WDTC1: variants seen among roughly 807,000 people sequenced by gnomAD.
WDTC1 encodes the protein WD and tetratricopeptide repeats protein 1.
A neutral mutation model predicts 76.0 loss-of-function variants in WDTC1; 12 were observed. The observed-to-expected ratio is 0.16, with a 90% CI of 0.10 to 0.26. The LOEUF (loss-of-function observed/expected upper bound fraction) is 0.26, where lower values mean the gene tolerates loss of function less well. Among genes scored for constraint, WDTC1 ranks in the 10% least tolerant of loss-of-function variants. The pLI is 1.00. For missense variants in WDTC1, 511 were observed against 908.8 expected, an observed-to-expected ratio of 0.56 and a Z score of 5.63; for synonymous variants, 326 against 350.8, an observed-to-expected ratio of 0.93 and a Z score of 0.79.
At chr1:27,263,051 A>C in intron 2 of WDTC1, 101 bp from the exon 3 acceptor site, 1 of 1,228,968 alleles carries the variant, frequency 8.1e-7, no homozygotes, top group South Asian at 1.3e-5. Context: ...TGTCTTCTTT[A>C]GCTCCTGTGG....
intron 3 of WDTC1, among the ~76,000 whole-genome samples, chr1:27,277,052 A>G (rs1186437582): frequency 6.7e-6 from 1 of 149,010 alleles, no homozygotes; most frequent in Non-Finnish European, 1.5e-5. Context: ...TTTTTAATTG[A>G]TATGGGATCT....
At chr1:27,299,048 T>G (rs1207568715) in intron 12 of WDTC1, among the ~76,000 whole-genome samples, 1 of 152,178 alleles carries the variant, frequency 6.6e-6, no homozygotes, top group Non-Finnish European at 1.5e-5. Flanking sequence ...ATGACTGTTT[T>G]GGATGAATCG....
chr1:27,288,423 C>T (rs1391745123), intron 6 of WDTC1, among the ~76,000 whole-genome samples: 1 of 151,090 alleles, frequency 6.6e-6, no homozygotes, highest in Non-Finnish European at 1.5e-5. Context: ...GGTCATATGA[C>T]AATAGTGGAG....
At chr1:27,243,624 A>G (rs985717736) in intron 1 of WDTC1, among the ~76,000 whole-genome samples, 2 of 152,160 alleles carry the variant, frequency 1.3e-5, no homozygotes, top group Admixed American at 1.3e-4. Context: ...TGTGCCTCAG[A>G]TCCTGCATCT....
intron 8 of WDTC1, 50 bp downstream of exon 8, chr1:27,294,166 CT>C: frequency 5.1e-6 from 8 of 1,580,462 alleles, no homozygotes; most frequent in Non-Finnish European, 6.9e-6. Flanking sequence ...GATGCTGACT[CT>C]TTTGGGGGCA....
chr1:27,253,273 C>T (rs933225064), intron 1 of WDTC1, among the ~76,000 whole-genome samples: 2 of 152,050 alleles, frequency 1.3e-5, no homozygotes. Flanking sequence ...CCTTGGCCTT[C>T]CAAAGTGCTG....
chr1:27,279,469 A>G (rs1482376723), intron 3 of WDTC1, among the ~76,000 whole-genome samples: 1 of 152,170 alleles, frequency 6.6e-6, no homozygotes. Context: ...GCCCGACCAG[A>G]AATATAATCG....
rs1166840793 is a variant in WDTC1 at position 27,284,203 on chromosome 1, T to C, written c.291+754T>C. Among the ~76,000 whole-genome samples, 4 of 152,146 alleles carry C rather than the reference T, an allele frequency of 2.6e-5. 1 individual carries two copies. The highest frequency in any genetic ancestry group is 9.7e-5 in the African/African-American group (4 of 41,416). On this transcript the variant is annotated intron_variant, in intron 5 of 15. Coordinates refer to ENST00000319394, the MANE Select transcript of WDTC1 (RefSeq NM_001276252.2). ...GAACTGTCTAATGCTTAGAGCTCTT[T>C]GAAAAATGTAGAATGGGCCCCTGGA...
At chr1:27,245,057 G>A (rs1434694421) in intron 1 of WDTC1, among the ~76,000 whole-genome samples, 1 of 151,638 alleles carries the variant, frequency 6.6e-6, no homozygotes, top group African/African-American at 2.4e-5. Flanking sequence ...CCAGTTAAAG[G>A]CAGAGGCTGG....
intron 3 of WDTC1, among the ~76,000 whole-genome samples, chr1:27,269,570 A>C (rs1314945569): frequency 6.7e-6 from 1 of 149,944 alleles, no homozygotes; most frequent in Non-Finnish European, 1.5e-5. Flanking sequence ...GGTTTTGACC[A>C]TAAGAGCAAC....
At chr1:27,293,899 A>G (rs1338041768) in intron 7 of WDTC1, 123 bp from the exon 8 acceptor site, 1 of 852,484 alleles carries the variant, frequency 1.2e-6, no homozygotes, top group East Asian at 2.7e-5. Context: ...TTGCTTAGGT[A>G]AGGAGGAAAA....
intron 1 of WDTC1, among the ~76,000 whole-genome samples, chr1:27,245,241 G>A (rs2011787502): frequency 6.6e-6 from 1 of 151,820 alleles, no homozygotes; most frequent in African/African-American, 2.4e-5. Context: ...AAGGATTGTT[G>A]CAAAGTTCAA....
chr1:27,279,868 T>C (rs1195414572), intron 3 of WDTC1, among the ~76,000 whole-genome samples: 2 of 152,242 alleles, frequency 1.3e-5, no homozygotes, highest in East Asian at 3.8e-4. Context: ...GCCCAGCCTG[T>C]GCTGTAAGTC....
At chr1:27,242,679 G>A (rs890061782) in intron 1 of WDTC1, among the ~76,000 whole-genome samples, 9 of 152,208 alleles carry the variant, frequency 5.9e-5, no homozygotes, top group African/African-American at 2.2e-4. Flanking sequence ...ATGTTGGTCA[G>A]GCTGGCCTCA....
At chr1:27,244,353 C>T (rs143242140) in intron 1 of WDTC1, among the ~76,000 whole-genome samples, 1 of 151,984 alleles carries the variant, frequency 6.6e-6, no homozygotes, top group Admixed American at 6.6e-5. Context: ...GTTTTTGAGA[C>T]AGCGCCTCAC....
At position 27,306,234 on chromosome 1, in the gene WDTC1, C is replaced by A. The variant is rs781120824; in HGVS notation, c.1885C>A (p.Gln629Lys). Reference sequence around the variant, plus strand: ...CGTGGAAGATATGGAGGGTGCTTCACAGGCCAACCAGCGGCGCATGAATGC... The same window carrying A: ...CGTGGAAGATATGGAGGGTGCTTCAAAGGCCAACCAGCGGCGCATGAATGC... ...RVVEDMEGAS[Q>K]ANQRRMNADP... The change falls in exon 16 of 16, where the codon CAG becomes AAG. Residue 629 changes from glutamine to lysine, a missense_variant. Physicochemically the swap from Gln to Lys is moderately conservative, Grantham distance 53. Transcript: ENST00000319394. This position sits in a 1 kb window ranked among gnomAD's most constrained non-coding sequence, Gnocchi z 5.0. 1 of 1,614,128 alleles carries A rather than the reference C, an allele frequency of 6.2e-7. No homozygotes were observed. The highest frequency in any genetic ancestry group is 8.5e-7 in the Non-Finnish European group (1 of 1,180,024).
rs2147994767 is a variant in WDTC1, at chr1:27,303,281, A to G, written c.1469-340A>G. Among the ~76,000 whole-genome samples the G allele has an allele frequency of 6.7e-6, 1 of 149,550 alleles. No individual in the cohort carries two copies. Among genetic ancestry groups the G allele is most frequent in the East Asian group, 2.0e-4 (1 of 5,110 alleles). ...CATCTCAAAAAAAAAAAAAAAAGTC[A>G]TCCATTCTCTCTTTGCTAGTGCCTC... On this transcript the variant is annotated intron_variant, in intron 13 of 15. Coordinates refer to ENST00000319394, the MANE Select transcript of WDTC1 (RefSeq NM_001276252.2). This position sits in a 1 kb window ranked among gnomAD's most constrained non-coding sequence, Gnocchi z 4.8.
At chr1:27,246,511 A>G (rs1262801620) in intron 1 of WDTC1, among the ~76,000 whole-genome samples, 1 of 152,060 alleles carries the variant, frequency 6.6e-6, no homozygotes, top group African/African-American at 2.4e-5. Flanking sequence ...GCTATTATGA[A>G]TAATGCTGCT....
At position 27,301,568 on chromosome 1, in the gene WDTC1, G is replaced by A. The variant is rs985671143; in HGVS notation, c.1468+107G>A. 71 of 1,289,254 alleles carry A rather than the reference G, an allele frequency of 5.5e-5. No individual in the cohort carries two copies. The highest frequency in any genetic ancestry group is 6.1e-5 in the Non-Finnish European group (57 of 933,256). 79.9% of individuals were successfully genotyped at this position (1,289,254 alleles called of 1,614,324 possible). Reference sequence around the variant, plus strand: ...GGATTGGAGAGGCCTGGGTTCAGATGTTGATTCAGAAACCATGCAACTTTG... The same window carrying A: ...GGATTGGAGAGGCCTGGGTTCAGATATTGATTCAGAAACCATGCAACTTTG... On this transcript the variant is annotated intron_variant, in intron 13 of 15. Transcript: ENST00000319394. The surrounding 1 kb of genome is among the most constrained non-coding windows in gnomAD (Gnocchi z 5.8).
Sources: allele counts gnomAD v4.1 joint callset (sites outside exome capture counted in the v4.1 genomes callset), GRCh38; gene constraint gnomAD v4.1.1; non-coding constraint Gnocchi (gnomAD v3.1); transcripts MANE v1.5; gene names NCBI Gene and HGNC (gene_info 2026-07-23, HGNC 2026-07-21).